Variants in GRIK3 observed in about 807,000 individuals in gnomAD.
GRIK3 encodes glutamate receptor ionotropic, kainate 3.
Under a neutral mutation model 102.5 loss-of-function variants are expected in GRIK3, and 29 were observed. The observed-to-expected ratio is 0.28, with a 90% CI of 0.21 to 0.39. GRIK3 has a LOEUF of 0.39. Ranked by LOEUF, GRIK3 falls within the 10% of genes least tolerant of loss-of-function variation. The pLI is 1.00. For synonymous variants in GRIK3, 511 were observed against 504.9 expected (o/e 1.01, Z -0.16); for missense variants, 908 against 1,252.4 (o/e 0.73, Z 4.15).
intron 9 of GRIK3, among the ~76,000 whole-genome samples, chr1:36,848,593 T>C (rs1640545233): frequency 1.3e-5 from 2 of 152,122 alleles, no homozygotes; most frequent in African/African-American, 4.8e-5. Context: ...TTCCTTTTTA[T>C]CTCATTCCTT....
intron 1 of GRIK3, among the ~76,000 whole-genome samples, chr1:36,975,386 C>T (rs1356517139): frequency 6.6e-6 from 1 of 150,630 alleles, no homozygotes; most frequent in Non-Finnish European, 1.5e-5. Context: ...CCTCCACCTC[C>T]TGGGCTTAAG....
chr1:36,992,854 G>C (rs772398791), intron 1 of GRIK3, among the ~76,000 whole-genome samples: 2 of 152,142 alleles, frequency 1.3e-5, no homozygotes, highest in African/African-American at 2.4e-5. Flanking sequence ...GCACAAAAAG[G>C]CTACTGAACC....
chr1:36,865,343 AT>A (rs911306874), intron 5 of GRIK3, among the ~76,000 whole-genome samples: 7 of 152,014 alleles, frequency 4.6e-5, no homozygotes, highest in African/African-American at 1.7e-4. Context: ...AATTTGGAGA[AT>A]TTTTTTTAGA....
Position 36,973,410 on chromosome 1 carries a change from T to C in GRIK3, c.115+60584A>G, listed in dbSNP as rs546583081. Among the ~76,000 whole-genome samples the C allele has an allele frequency of 4.8e-5, 7 of 147,300 alleles. No homozygotes were observed. In the South Asian group the frequency reaches 1.5e-3, roughly 31 times the overall value. On this transcript the variant is annotated intron_variant, in intron 1 of 15. Coordinates refer to ENST00000373091, the MANE Select transcript of GRIK3 (RefSeq NM_000831.4). The stretch of plus-strand genomic sequence containing the variant: ...TGAGTGTCAGCTTAGACATCACTTC[T>C]TTTTCCTTTTTTTTTTTTTTTTTTT...
chr1:37,032,817 G>A (rs1164129417), intron 1 of GRIK3, among the ~76,000 whole-genome samples: 1 of 152,142 alleles, frequency 6.6e-6, no homozygotes, highest in African/African-American at 2.4e-5. Flanking sequence ...CCACCCGCTG[G>A]GTTTCTGACC....
intron 1 of GRIK3, among the ~76,000 whole-genome samples, chr1:36,908,291 C>A (rs553830335): frequency 8.5e-5 from 13 of 152,348 alleles, no homozygotes; most frequent in Admixed American, 5.2e-4. Flanking sequence ...GGGGCAGTGT[C>A]AACTGCACTA....
intron 1 of GRIK3, among the ~76,000 whole-genome samples, chr1:36,990,353 T>C (rs1460458023): frequency 2.0e-5 from 3 of 152,198 alleles, no homozygotes; most frequent in Non-Finnish European, 4.4e-5. Context: ...TGGGCCGCCA[T>C]CTGGGTCTCC....
In GRIK3 at chr1:36,841,716, A is replaced by G. The variant is rs1640453419; in HGVS notation, c.1530+20T>C. 6.2e-7 allele frequency: 1 copy of G among 1,603,174 alleles called. No homozygotes were observed. The highest frequency in any genetic ancestry group is 1.1e-5 in the South Asian group (1 of 90,860). On this transcript the variant is annotated intron_variant, in intron 10 of 15. Coordinates refer to ENST00000373091, the MANE Select transcript of GRIK3 (RefSeq NM_000831.4). The stretch of plus-strand genomic sequence containing the variant: ...TCTCCCCAGGGTCCTGAGCCCTCCC[A>G]TGCTCCCATCCATGCTTACGTGGTC...
chr1:36,931,060 A>T (rs1398095151), intron 1 of GRIK3, among the ~76,000 whole-genome samples: 1 of 152,206 alleles, frequency 6.6e-6, no homozygotes, highest in East Asian at 1.9e-4. Context: ...CCATTGCAGC[A>T]GCTGATGGAG....
At chr1:36,867,103 G>A (rs1332319891) in intron 5 of GRIK3, among the ~76,000 whole-genome samples, 1 of 152,194 alleles carries the variant, frequency 6.6e-6, no homozygotes, top group African/African-American at 2.4e-5. Flanking sequence ...CTGGATAAAT[G>A]AATCAATGGA....
chr1:37,001,627 ATCC>A (rs1396146315), intron 1 of GRIK3, among the ~76,000 whole-genome samples: 1 of 152,062 alleles, frequency 6.6e-6, no homozygotes, highest in Non-Finnish European at 1.5e-5. Context: ...AAAAACGTGG[ATCC>A]TCCTCCTTGC....
At chr1:36,965,468 G>A (rs1323433495) in intron 1 of GRIK3, among the ~76,000 whole-genome samples, 1 of 152,172 alleles carries the variant, frequency 6.6e-6, no homozygotes, top group African/African-American at 2.4e-5. Context: ...GGATTCTCTG[G>A]AGCTCACATG....
At chr1:36,939,333 A>G (rs1011074274) in intron 1 of GRIK3, among the ~76,000 whole-genome samples, 49 of 152,256 alleles carry the variant, frequency 3.2e-4, no homozygotes, top group African/African-American at 1.2e-3. Flanking sequence ...ACAAAGCAAC[A>G]GAGAAAGACC....
At chr1:36,802,972 C>G (rs1006772145) in intron 15 of GRIK3, among the ~76,000 whole-genome samples, 1 of 152,136 alleles carries the variant, frequency 6.6e-6, no homozygotes, top group Non-Finnish European at 1.5e-5. Flanking sequence ...AGGCACTGTT[C>G]CAGGTGTTAG....
Position 37,034,446 on chromosome 1 carries a change from C to T in GRIK3, c.-338G>A. On this transcript the variant is annotated 5_prime_UTR_variant, in exon 1 of 16. Coordinates refer to ENST00000373091, the MANE Select transcript of GRIK3 (RefSeq NM_000831.4). ...ACCTGCCCCGGCTGCCGGGCTCTGGCGGGCGGGCTGCACGCGTCTCCGGCC... is the reference window on the plus strand; with the variant it reads ...ACCTGCCCCGGCTGCCGGGCTCTGGTGGGCGGGCTGCACGCGTCTCCGGCC... Among the ~76,000 whole-genome samples, 1 of 151,226 alleles carries T rather than the reference C, an allele frequency of 6.6e-6. No homozygotes were observed. Among genetic ancestry groups the T allele is most frequent in the East Asian group, 2.0e-4 (1 of 5,084 alleles).
chr1:36,822,531 G>A (rs758300420), intron 11 of GRIK3, among the ~76,000 whole-genome samples: 3 of 152,160 alleles, frequency 2.0e-5, no homozygotes, highest in South Asian at 4.1e-4. Flanking sequence ...GGAGTTAATG[G>A]CAGATCTTGG....
intron 15 of GRIK3, among the ~76,000 whole-genome samples, chr1:36,803,961 T>C (rs1018181730): frequency 6.6e-6 from 1 of 152,228 alleles, no homozygotes; most frequent in Admixed American, 6.5e-5. Context: ...AAAGTGGAAA[T>C]TGACAGGCCA....
At chr1:36,843,877 C>T (rs1342080976) in intron 9 of GRIK3, among the ~76,000 whole-genome samples, 1 of 152,204 alleles carries the variant, frequency 6.6e-6, no homozygotes, top group African/African-American at 2.4e-5. Flanking sequence ...GTCTGCATGC[C>T]CAGATTAAGG....
At chr1:36,982,511 C>A (rs577546646) in intron 1 of GRIK3, among the ~76,000 whole-genome samples, 77 of 152,304 alleles carry the variant, frequency 5.1e-4, no homozygotes, top group African/African-American at 1.8e-3. Context: ...AACACACAGT[C>A]CAGGGCCAAA....
Sources: allele counts gnomAD v4.1 joint callset (sites outside exome capture counted in the v4.1 genomes callset), GRCh38; gene constraint gnomAD v4.1.1; transcripts MANE v1.5; gene names NCBI Gene and HGNC (gene_info 2026-07-23, HGNC 2026-07-21).